Variants in GUCY1B1 observed in about 807,000 individuals in gnomAD.
The protein encoded by GUCY1B1 is guanylate cyclase soluble subunit beta-1.
GUCY1B1 carries 43 observed loss-of-function variants against 71.0 expected under a neutral mutation model. The ratio of observed to expected loss-of-function variants is 0.61; its 90% CI spans 0.47 to 0.78. The LOEUF is 0.78. GUCY1B1 is among the 30% of genes least tolerant of loss of function. The probability of loss-of-function intolerance (pLI) is 0.00; values close to 1 mark genes in which losing one functional copy is unlikely to be tolerated. For missense variants in GUCY1B1, 535 were observed against 754.1 expected (o/e 0.71, Z 3.40); for synonymous variants, 266 against 259.7 (o/e 1.02, Z -0.23).
chr4:155,788,063 A>G (rs1490456318), intron 4 of GUCY1B1, among the ~76,000 whole-genome samples: 2 of 152,202 alleles, frequency 1.3e-5, no homozygotes, highest in Non-Finnish European at 2.9e-5. Context: ...TATTGCTACC[A>G]TAACAAATGA....
At chr4:155,772,290 G>A (rs1342746862) in intron 2 of GUCY1B1, among the ~76,000 whole-genome samples, 1 of 152,130 alleles carries the variant, frequency 6.6e-6, no homozygotes, top group Non-Finnish European at 1.5e-5. Context: ...TATATTCACT[G>A]GGAATATGTA....
chr4:155,789,999 C>T (rs78817736), intron 5 of GUCY1B1, 88 bp downstream of exon 5: 1 of 817,852 alleles, frequency 1.2e-6, no homozygotes, highest in African/African-American at 1.7e-5. Flanking sequence ...GCAGTTATCA[C>T]TGTTAGTGCT....
intron 4 of GUCY1B1, chr4:155,785,309 G>A (rs1376469368): frequency 2.3e-5 from 34 of 1,458,626 alleles, no homozygotes; most frequent in Non-Finnish European, 3.0e-5. Flanking sequence ...TTGTTTCCTG[G>A]GAATCTACTT....
rs750869250 is a variant in GUCY1B1 at position 155,793,866 on chromosome 4, A to G, written c.506A>G (p.Gln169Arg). 6.8e-7 allele frequency: 1 copy of G among 1,468,640 alleles called. No individual in the cohort carries two copies. Among genetic ancestry groups the G allele is most frequent in the South Asian group, 1.1e-5 (1 of 87,962 alleles). The allele number at this position is 1,468,640 out of a possible 1,614,324, so 91.0% of individuals were successfully genotyped here. The change falls in exon 6 of 14, where the codon CAA becomes CGA. Residue 169 changes from glutamine (Q) to arginine (R), a missense_variant. Gln to Arg is a conservative substitution (Grantham distance 43). Coordinates refer to ENST00000264424, the MANE Select transcript of GUCY1B1 (RefSeq NM_000857.5). ...CCCTTTGATATCCAGGTTATTCAGC[A>G]AAGAAATGAAGAATGTGATCATACT... is the stretch of plus-strand genomic sequence containing the variant. Reference protein sequence around the residue: ...GTEIDMKVIQQRNEECDHTQF... With the variant: ...GTEIDMKVIQRRNEECDHTQF...
At chr4:155,797,735 A>AAATAATAATAATGATAAT (rs1554013182) in intron 8 of GUCY1B1, among the ~76,000 whole-genome samples, 1 of 144,978 alleles carries the variant, frequency 6.9e-6, no homozygotes, top group Non-Finnish European at 1.5e-5. Context: ...CACTGTCTCA[A>AAATAATAATAATGATAAT]AATAATAATA....
Position 155,759,043 on chromosome 4 carries a change from C to A in GUCY1B1, c.-98C>A. ...CTCGCTCCAGCTCGATGCTGCCTCC[C>A]CGGCCCGGTTGCGCTGTAGCCGCTG... On this transcript the variant is annotated 5_prime_UTR_variant, in exon 1 of 14. Coordinates refer to ENST00000264424, the MANE Select transcript of GUCY1B1 (RefSeq NM_000857.5). 1 of 1,316,090 alleles carries A rather than the reference C, an allele frequency of 7.6e-7. No homozygotes were observed. Among genetic ancestry groups the A allele is most frequent in the African/African-American group, 1.5e-5 (1 of 68,906 alleles). 81.5% of individuals were successfully genotyped at this position (1,316,090 alleles called of 1,614,324 possible). A position where few individuals can be genotyped will look rare whatever the true frequency, so the allele number is the denominator to read the frequency against.
intron 5 of GUCY1B1, among the ~76,000 whole-genome samples, chr4:155,791,592 G>A (rs528841269): frequency 6.6e-6 from 1 of 150,988 alleles, no homozygotes; most frequent in African/African-American, 2.4e-5. Context: ...ATAGCCAGGC[G>A]TGGTGGCGGG....
chr4:155,798,730 C>G (rs191214383), intron 8 of GUCY1B1, among the ~76,000 whole-genome samples: 4 of 152,068 alleles, frequency 2.6e-5, no homozygotes, highest in African/African-American at 7.2e-5. Flanking sequence ...AAATTTTTTC[C>G]TTTTAGAGTA....
intron 3 of GUCY1B1, among the ~76,000 whole-genome samples, chr4:155,776,687 G>A (rs1189924740): frequency 6.6e-6 from 1 of 151,946 alleles, no homozygotes; most frequent in Non-Finnish European, 1.5e-5. Context: ...TAAAAAAAAT[G>A]TGATACAGAA....
At chr4:155,769,626 T>C in intron 2 of GUCY1B1, among the ~76,000 whole-genome samples, 1 of 152,174 alleles carries the variant, frequency 6.6e-6, no homozygotes, top group South Asian at 2.1e-4. Context: ...ATGAAGATTG[T>C]AGTGCTGTTG....
rs553141390 is a variant in GUCY1B1 at position 155,802,636 on chromosome 4, C to T, written c.1413+57C>T. ...ATCCAGAGGCTGGCGTTCTGAGACT[C>T]CCCTCCAGAGGCCATGTCATCACAG... On this transcript the variant is annotated intron_variant, in intron 10 of 13. Transcript: ENST00000264424. This position sits in a 1 kb window ranked among gnomAD's most constrained non-coding sequence, Gnocchi z 4.3. 2 of 1,455,680 alleles carry T rather than the reference C, an allele frequency of 1.4e-6. No individual in the cohort carries two copies. Among genetic ancestry groups the T allele is most frequent in the African/African-American group, 1.4e-5 (1 of 70,788 alleles). The allele number at this position is 1,455,680 out of a possible 1,614,324, so 90.2% of individuals were successfully genotyped here.
chr4:155,770,601 T>C (rs1400881190), intron 2 of GUCY1B1, among the ~76,000 whole-genome samples: 1 of 152,192 alleles, frequency 6.6e-6, no homozygotes, highest in Non-Finnish European at 1.5e-5. Context: ...AACTGCTTCA[T>C]ACTAAAGAGT....
At chr4:155,795,504 A>G (rs771506705) in intron 7 of GUCY1B1, 47 bp downstream of exon 7, 1 of 911,598 alleles carries the variant, frequency 1.1e-6, no homozygotes. Flanking sequence ...TATGTCACAA[A>G]TTAGAAGTAT....
intron 7 of GUCY1B1, 46 bp from the exon 8 acceptor site, chr4:155,796,327 TTAGG>T: frequency 6.4e-7 from 1 of 1,560,592 alleles, no homozygotes; most frequent in Non-Finnish European, 8.8e-7. Context: ...TGCTGAATTC[TTAGG>T]TAGGGAGAAA....
At chr4:155,787,807 C>A (rs936551570) in intron 4 of GUCY1B1, among the ~76,000 whole-genome samples, 4 of 152,222 alleles carry the variant, frequency 2.6e-5, no homozygotes, top group Non-Finnish European at 5.9e-5. Flanking sequence ...GCGGAATCAT[C>A]TCATTCTCAC....
intron 8 of GUCY1B1, among the ~76,000 whole-genome samples, chr4:155,797,027 T>G (rs531023238): frequency 1.3e-5 from 2 of 152,186 alleles, no homozygotes; most frequent in Non-Finnish European, 2.9e-5. Context: ...AATTAAAATG[T>G]ATGTAAAATG....
In GUCY1B1 at chr4:155,802,633, A is replaced by T. The variant is rs1017745064; in HGVS notation, c.1413+54A>T. The stretch of plus-strand genomic sequence containing the variant: ...GCTATCCAGAGGCTGGCGTTCTGAG[A>T]CTCCCCTCCAGAGGCCATGTCATCA... On this transcript the variant is annotated intron_variant, in intron 10 of 13. Transcript: ENST00000264424. The surrounding 1 kb of genome is among the most constrained non-coding windows in gnomAD (Gnocchi z 4.3). 1 of 1,465,236 alleles carries T rather than the reference A, an allele frequency of 6.8e-7. No individual in the cohort carries two copies. The highest frequency in any genetic ancestry group is 9.1e-7 in the Non-Finnish European group (1 of 1,096,156). 90.8% of individuals were successfully genotyped at this position (1,465,236 alleles called of 1,614,324 possible). A position where few individuals can be genotyped will look rare whatever the true frequency, so the allele number is the denominator to read the frequency against.
chr4:155,788,840 C>T (rs578097436), intron 4 of GUCY1B1, among the ~76,000 whole-genome samples: 21 of 152,164 alleles, frequency 1.4e-4, no homozygotes, highest in African/African-American at 4.3e-4. Context: ...GTGTGTATAT[C>T]CTACTATATA....
At chr4:155,760,037 A>G (rs1046319549) in intron 2 of GUCY1B1, among the ~76,000 whole-genome samples, 177 bp downstream of exon 2, 2 of 151,822 alleles carry the variant, frequency 1.3e-5, no homozygotes, top group Non-Finnish European at 2.9e-5. Context: ...GACTGGAACC[A>G]GGAGGGGAGG....
Sources: allele counts gnomAD v4.1 joint callset (sites outside exome capture counted in the v4.1 genomes callset), GRCh38; gene constraint gnomAD v4.1.1; non-coding constraint Gnocchi (gnomAD v3.1); transcripts MANE v1.5; gene names NCBI Gene and HGNC (gene_info 2026-07-23, HGNC 2026-07-21).